The following CDYL variants were observed in gnomAD, a reference collection of about 807,000 sequenced individuals.
CDYL encodes chromodomain Y like.
CDYL carries 8 observed loss-of-function variants against 47.3 expected under a neutral mutation model. The observed-to-expected ratio is 0.17, with a 90% CI of 0.10 to 0.31. The LOEUF (loss-of-function observed/expected upper bound fraction) is 0.31, where lower values mean the gene tolerates loss of function less well. Ranked by LOEUF, CDYL falls within the 10% of genes least tolerant of loss-of-function variation. The probability of loss-of-function intolerance (pLI) is 1.00; values close to 1 mark genes in which losing one functional copy is unlikely to be tolerated. For synonymous variants in CDYL, 266 were observed against 265.0 expected (o/e 1.00, Z -0.04); for missense variants, 471 against 701.4 (o/e 0.67, Z 3.71).
Position 4,952,224 on chromosome 6 carries a change from T to A in CDYL, c.1333-42T>A, listed in dbSNP as rs373038004. ...AAGGGATGGGTCTTCCCCGCCCGCCTCCCACCGCAATTCATATTACATCCA... is the reference window on the plus strand; with the variant it reads ...AAGGGATGGGTCTTCCCCGCCCGCCACCCACCGCAATTCATATTACATCCA... On this transcript the variant is annotated intron_variant, in intron 5 of 6. Transcript: ENST00000397588. 12 of 1,595,884 alleles carry A rather than the reference T, an allele frequency of 7.5e-6. No individual in the cohort carries two copies. In the African/African-American group the frequency reaches 1.6e-4, roughly 21 times the overall value.
intron 3 of CDYL, among the ~76,000 whole-genome samples, chr6:4,736,060 T>G (rs928374696): frequency 3.9e-5 from 6 of 152,208 alleles, no homozygotes; most frequent in Non-Finnish European, 8.8e-5. Context: ...CAAGCCCTCC[T>G]GTTTCCCACT....
chr6:4,874,369 C>G (rs978297594), intron 1 of CDYL, among the ~76,000 whole-genome samples: 1 of 152,062 alleles, frequency 6.6e-6, no homozygotes, highest in Non-Finnish European at 1.5e-5. Flanking sequence ...TTCTGTTCAG[C>G]GTTGGCGTTA....
upstream of CDYL, among the ~76,000 whole-genome samples, chr6:4,776,233 C>G (rs1423976763): frequency 2.8e-5 from 4 of 143,162 alleles, no homozygotes; most frequent in Non-Finnish European, 4.6e-5. Flanking sequence ...CCGGCCCCGC[C>G]GGCCGCCCGC....
chr6:4,890,192 C>A, intron 1 of CDYL: 10 of 974,038 alleles, frequency 1.0e-5, no homozygotes, highest in Non-Finnish European at 1.2e-5. Flanking sequence ...ATCTCATTGC[C>A]CCTTTTCTTT....
chr6:4,860,480 G>A (rs1581218403), intron 1 of CDYL, among the ~76,000 whole-genome samples: 1 of 148,806 alleles, frequency 6.7e-6, no homozygotes, highest in East Asian at 1.9e-4. Context: ...CTCTTAGAGG[G>A]ACAGAACTAA....
At chr6:4,898,278 G>T (rs992328669) in intron 2 of CDYL, among the ~76,000 whole-genome samples, 1 of 152,200 alleles carries the variant, frequency 6.6e-6, no homozygotes, top group Non-Finnish European at 1.5e-5. Flanking sequence ...AGAGGTAGCA[G>T]CTATTCCCTG....
intron 2 of CDYL, among the ~76,000 whole-genome samples, chr6:4,915,374 A>G (rs1465084813): frequency 2.0e-5 from 3 of 152,208 alleles, no homozygotes; most frequent in Non-Finnish European, 4.4e-5. Flanking sequence ...GTGTTTTGAC[A>G]TTAGAATTGT....
At position 4,954,431 on chromosome 6, in the gene CDYL, TG is replaced by T. The variant is rs1758807338; in HGVS notation, c.*376del. The T allele has an allele frequency of 6.4e-6, 1 of 155,084 alleles. No homozygotes were observed. The highest frequency in any genetic ancestry group is 6.5e-5 in the Admixed American group (1 of 15,348). The allele number at this position is 155,084 out of a possible 1,614,324, so 9.6% of individuals were successfully genotyped here. ...TGACAGAAAAGTCTGGAATAATGTT[TG>T]TTTTCCTCATTTCTTCCTTCTAGAA... On this transcript the variant is annotated 3_prime_UTR_variant, in exon 7 of 7. Transcript: ENST00000397588.
chr6:4,945,183 A>G (rs1241177928), intron 5 of CDYL, among the ~76,000 whole-genome samples: 3 of 152,200 alleles, frequency 2.0e-5, no homozygotes, highest in African/African-American at 7.2e-5. Flanking sequence ...TCATGTTTGT[A>G]GTTGAGTGAC....
intron 5 of CDYL, among the ~76,000 whole-genome samples, chr6:4,950,883 T>G (rs1446272327): frequency 6.7e-6 from 1 of 148,530 alleles, no homozygotes; most frequent in African/African-American, 2.5e-5. Flanking sequence ...AGTGAGCCGA[T>G]ATTGCACCAC....
At chr6:4,772,217 G>T (rs945371588), upstream of CDYL, among the ~76,000 whole-genome samples, 9 of 152,308 alleles carry the variant, frequency 5.9e-5, no homozygotes, top group South Asian at 4.1e-4. Flanking sequence ...CTCAGAATTG[G>T]CATCACGAGG....
chr6:4,753,665 A>G (rs1000674283), intron 3 of CDYL, among the ~76,000 whole-genome samples: 7 of 152,216 alleles, frequency 4.6e-5, no homozygotes, highest in African/African-American at 1.7e-4. Context: ...CAACTGTAAG[A>G]AATGCATTAT....
rs1485442938 is a variant in CDYL at position 4,895,459 on chromosome 6, GTATACATA to G, written c.691+3086_691+3093del. Among the ~76,000 whole-genome samples the G allele has an allele frequency of 2.4e-3, 11 of 4,574 alleles. 4 individuals carry two copies. Among genetic ancestry groups the G allele is most frequent in the African/African-American group, 2.5e-3 (11 of 4,398 alleles). 3.0% of individuals were successfully genotyped at this position (4,574 alleles called of 152,430 possible). A position where few individuals can be genotyped will look rare whatever the true frequency, so the allele number is the denominator to read the frequency against. On this transcript the variant is annotated intron_variant, in intron 2 of 6. Coordinates refer to ENST00000397588, the MANE Select transcript of CDYL (RefSeq NM_004824.4). ...TATACGTATATATGCATATATACAT[GTATACATA>G]TATACGTATATATGTATATATACAT...
At chr6:4,940,146 C>T (rs1758322219) in intron 4 of CDYL, among the ~76,000 whole-genome samples, 1 of 152,160 alleles carries the variant, frequency 6.6e-6, no homozygotes, top group Non-Finnish European at 1.5e-5. Context: ...TAAAAGTTCA[C>T]TTTCATCAGC....
At chr6:4,951,115 T>A (rs1163635396) in intron 5 of CDYL, among the ~76,000 whole-genome samples, 3 of 151,922 alleles carry the variant, frequency 2.0e-5, no homozygotes, top group African/African-American at 7.3e-5. Context: ...TGACAGAAGG[T>A]GTATGGGCAG....
chr6:4,927,359 C>CTT (rs143431565), intron 2 of CDYL, among the ~76,000 whole-genome samples: 8,425 of 147,570 alleles, frequency 0.057, 537 homozygotes, highest in African/African-American at 0.15. Context: ...GAAAGAACGT[C>CTT]TTTTTTTTTT....
At chr6:4,758,928 C>G (rs1390412683) in intron 3 of CDYL, among the ~76,000 whole-genome samples, 1 of 126,572 alleles carries the variant, frequency 7.9e-6, no homozygotes, top group Non-Finnish European at 1.8e-5. Flanking sequence ...TGAAGAGGCT[C>G]TTTCTGATCT....
intron 3 of CDYL, among the ~76,000 whole-genome samples, chr6:4,761,907 C>T (rs183708257): frequency 4.0e-4 from 61 of 152,266 alleles, no homozygotes; most frequent in African/African-American, 1.4e-3. Flanking sequence ...GGGGGAAAAG[C>T]ATTTTAAGAA....
At chr6:4,928,774 T>C (rs929991955) in intron 2 of CDYL, 1 of 152,228 alleles carries the variant, frequency 6.6e-6, no homozygotes, top group Non-Finnish European at 1.5e-5. Flanking sequence ...TGCTTTTTTT[T>C]CTGTTTCTGC....
Sources: gnomAD v4.1 joint callset for allele counts (sites outside exome capture counted in the v4.1 genomes callset) on GRCh38, gnomAD v4.1.1 for gene constraint, MANE v1.5 for transcripts, NCBI Gene and HGNC (gene_info 2026-07-23, HGNC 2026-07-21) for gene names.